RALY: variants seen among roughly 807,000 people sequenced by gnomAD.
RALY encodes the protein RALY heterogeneous nuclear ribonucleoprotein.
Under a neutral mutation model 30.7 loss-of-function variants are expected in RALY, and 15 were observed. The observed-to-expected ratio is 0.49, with a 90% confidence interval of 0.33 to 0.75. The LOEUF (loss-of-function observed/expected upper bound fraction) is 0.75. RALY is among the 30% of genes least tolerant of loss of function. RALY has a pLI of 0.02. For synonymous variants in RALY, 177 were observed against 170.8 expected, an observed-to-expected ratio of 1.04 and a Z score of -0.28; for missense variants, 339 against 414.3, an observed-to-expected ratio of 0.82 and a Z score of 1.58.
chr20:34,054,226 TC>T (rs1353906298), intron 2 of RALY, among the ~76,000 whole-genome samples: 2 of 152,234 alleles, frequency 1.3e-5, no homozygotes, highest in Non-Finnish European at 2.9e-5. Context: ...TTTCACCTGT[TC>T]ACTAGCAGAA....
intron 8 of RALY, 26 bp from the exon 9 acceptor site, chr20:34,078,479 G>C: frequency 6.4e-7 from 1 of 1,550,594 alleles, no homozygotes; most frequent in Admixed American, 2.0e-5. Flanking sequence ...AGTGATGTGT[G>C]GTCTCTCTTA....
chr20:33,996,816 A>G (rs1225164274), intron 1 of RALY, among the ~76,000 whole-genome samples: 2 of 152,066 alleles, frequency 1.3e-5, no homozygotes, highest in Non-Finnish European at 2.9e-5. Context: ...CCTGAAAACT[A>G]TCGTTCTACT....
chr20:34,056,818 A>C (rs550995276), intron 2 of RALY, among the ~76,000 whole-genome samples: 1 of 152,360 alleles, frequency 6.6e-6, no homozygotes, highest in South Asian at 2.1e-4. Context: ...CATTCATTGG[A>C]GATAACAGTG....
At chr20:34,001,643 A>G (rs1412093189) in intron 1 of RALY, among the ~76,000 whole-genome samples, 2 of 152,202 alleles carry the variant, frequency 1.3e-5, no homozygotes, top group African/African-American at 2.4e-5. Context: ...TTCCTTTGAA[A>G]TTCTTTGTGT....
chr20:34,036,374 A>G (rs867665053), intron 2 of RALY, among the ~76,000 whole-genome samples: 6 of 152,204 alleles, frequency 3.9e-5, no homozygotes, highest in African/African-American at 1.4e-4. Flanking sequence ...TTCTACATTG[A>G]CATTACATTA....
At chr20:34,073,665 G>A (rs763127249) in intron 4 of RALY, 30 bp downstream of exon 4, 28 of 1,554,352 alleles carry the variant, frequency 1.8e-5, no homozygotes, top group Non-Finnish European at 2.5e-5. Flanking sequence ...TGTCTGTCTG[G>A]TGGGATGACT....
At chr20:34,070,098 A>G (rs1358145823) in intron 2 of RALY, among the ~76,000 whole-genome samples, 1 of 152,172 alleles carries the variant, frequency 6.6e-6, no homozygotes. Context: ...CCCTAGTGGG[A>G]TAAGAGATAC....
intron 2 of RALY, among the ~76,000 whole-genome samples, chr20:34,044,509 G>A (rs1389112709): frequency 6.6e-6 from 1 of 151,852 alleles, no homozygotes; most frequent in Non-Finnish European, 1.5e-5. Flanking sequence ...TGGTAGAGGC[G>A]GAGTTTCTCC....
chr20:34,076,576 C>T, intron 6 of RALY, 126 bp from the exon 7 acceptor site: 1 of 785,630 alleles, frequency 1.3e-6, no homozygotes, highest in South Asian at 1.8e-5. Context: ...TTTTCCTAAG[C>T]AGGGAAAAAA....
In RALY at chr20:34,083,277, T is replaced by C. The variant is rs936936422; in HGVS notation, c.*3372T>C. ...GGCTGAAGTGAGCTGGCAGATCAGCTGGGGACTGGCTGGTCTCAGATGGCC... is the reference window on the plus strand; with the variant it reads ...GGCTGAAGTGAGCTGGCAGATCAGCCGGGGACTGGCTGGTCTCAGATGGCC... On this transcript the variant is annotated 3_prime_UTR_variant, in exon 10 of 10. Coordinates refer to ENST00000246194, the MANE Select transcript of RALY (RefSeq NM_016732.3). 6.6e-6 allele frequency: 1 copy of C among 152,236 alleles called. No individual in the cohort carries two copies. Among genetic ancestry groups the C allele is most frequent in the South Asian group, 2.1e-4 (1 of 4,824 alleles). 9.4% of individuals were successfully genotyped at this position (152,236 alleles called of 1,614,324 possible).
chr20:34,006,494 A>AAT (rs2031163520), intron 1 of RALY, among the ~76,000 whole-genome samples: 2 of 152,234 alleles, frequency 1.3e-5, no homozygotes, highest in African/African-American at 4.8e-5. Context: ...GGATTCATAT[A>AAT]AAGTCCACAC....
intron 2 of RALY, among the ~76,000 whole-genome samples, chr20:34,067,742 C>A (rs1393257778): frequency 1.3e-5 from 2 of 152,082 alleles, no homozygotes; most frequent in East Asian, 1.9e-4. Flanking sequence ...AATTGTTTCT[C>A]CTGCAGGTAA....
In RALY at chr20:34,025,689, A is replaced by T. The variant is rs148533282; in HGVS notation, c.-92-5833A>T. Among the ~76,000 whole-genome samples the T allele has an allele frequency of 7.6e-3, 1,122 of 148,506 alleles. 4 individuals carry two copies. Among genetic ancestry groups the T allele is most frequent in the Middle Eastern group, 0.035 (10 of 288 alleles). On this transcript the variant is annotated intron_variant, in intron 1 of 9. Coordinates refer to ENST00000246194, the MANE Select transcript of RALY (RefSeq NM_016732.3). ...GTTCTGTAGGGACATGCTATTTTAA[A>T]AAAAAAAAAAAAAATTGTTTTACAA...
chr20:34,036,412 C>T (rs1440177073), intron 2 of RALY, among the ~76,000 whole-genome samples: 2 of 152,194 alleles, frequency 1.3e-5, no homozygotes, highest in Non-Finnish European at 2.9e-5. Context: ...AAATCAACTT[C>T]ACATTCCTAG....
At chr20:34,073,675 T>A in intron 4 of RALY, 40 bp downstream of exon 4, 3 of 1,546,844 alleles carry the variant, frequency 1.9e-6, no homozygotes, top group Non-Finnish European at 2.7e-6. Flanking sequence ...GTGGGATGAC[T>A]CTCTCTTTCC....
intron 1 of RALY, among the ~76,000 whole-genome samples, chr20:34,015,878 G>A (rs1190684424): frequency 6.6e-6 from 1 of 152,018 alleles, no homozygotes; most frequent in Non-Finnish European, 1.5e-5. Flanking sequence ...TGATGTGCAT[G>A]TATGTCCTCT....
intron 2 of RALY, among the ~76,000 whole-genome samples, chr20:34,068,165 A>G (rs1335380689): frequency 1.3e-5 from 2 of 151,900 alleles, no homozygotes; most frequent in Non-Finnish European, 2.9e-5. Context: ...TCCTCAGCTC[A>G]TTGCTAAACC....
intron 2 of RALY, among the ~76,000 whole-genome samples, chr20:34,054,568 G>A (rs559495243): frequency 6.6e-6 from 1 of 152,354 alleles, no homozygotes; most frequent in Admixed American, 6.5e-5. Flanking sequence ...GCTCAAGCCT[G>A]TAATCCCAGC....
chr20:33,997,182 C>G (rs998825904), intron 1 of RALY, among the ~76,000 whole-genome samples: 1 of 152,186 alleles, frequency 6.6e-6, no homozygotes, highest in Non-Finnish European at 1.5e-5. Context: ...GTGGCACGAT[C>G]TTGGCTCCCT....
Sources: gnomAD v4.1 joint callset for allele counts (sites outside exome capture counted in the v4.1 genomes callset) on GRCh38, gnomAD v4.1.1 for gene constraint, MANE v1.5 for transcripts, NCBI Gene and HGNC (gene_info 2026-07-23, HGNC 2026-07-21) for gene names.